The following HPCAL4 variants were observed in gnomAD, a reference collection of about 807,000 sequenced individuals.
The protein encoded by HPCAL4 is hippocalcin-like protein 4.
HPCAL4 carries 16 observed loss-of-function variants against 18.2 expected under a neutral mutation model. The ratio of observed to expected loss-of-function variants is 0.88; its 90% CI spans 0.59 to 1.33. HPCAL4 has a LOEUF of 1.33. Ranked by LOEUF, HPCAL4 falls within the 40% of genes most tolerant of loss-of-function variation. The pLI is 0.00. For missense variants in HPCAL4, 214 were observed against 256.6 expected, an observed-to-expected ratio of 0.83 and a Z score of 1.14; for synonymous variants, 80 against 97.5, an observed-to-expected ratio of 0.82 and a Z score of 1.06.
At chr1:39,689,224 T>A (rs1325749793) in intron 1 of HPCAL4, among the ~76,000 whole-genome samples, 1 of 152,152 alleles carries the variant, frequency 6.6e-6, no homozygotes, top group Non-Finnish European at 1.5e-5. Context: ...TCACTGAGTC[T>A]GGGACCCATG....
intron 1 of HPCAL4, among the ~76,000 whole-genome samples, chr1:39,690,263 C>T (rs1646708110): frequency 6.6e-6 from 1 of 152,192 alleles, no homozygotes. Flanking sequence ...ACCCAGTCTA[C>T]CCTCTCTGTT....
intron 3 of HPCAL4, among the ~76,000 whole-genome samples, chr1:39,683,011 G>A (rs1215280461): frequency 6.6e-6 from 1 of 152,106 alleles, no homozygotes; most frequent in African/African-American, 2.4e-5. Context: ...AGCCTCCTGA[G>A]TAGCTGGGAT....
chr1:39,689,868 C>G (rs2124202145), intron 1 of HPCAL4, among the ~76,000 whole-genome samples: 1 of 152,220 alleles, frequency 6.6e-6, no homozygotes, highest in East Asian at 1.9e-4. Context: ...TTTTTTCTCT[C>G]TTTCCTCTCC....
rs1405362211 is a variant in HPCAL4, at chr1:39,691,380, C to T, written c.-83G>A. ...CGGGAACCGAGGCTGGCTCGCGGGC[C>T]GGCAGCTGTGCTCTCCAAGGTCTGC... On this transcript the variant is annotated 5_prime_UTR_variant, in exon 1 of 4. Transcript: ENST00000372844. 1.3e-5 allele frequency: 2 copies of T among 152,288 alleles called. No homozygotes were observed. Among genetic ancestry groups the T allele is most frequent in the African/African-American group, 2.4e-5 (1 of 41,474 alleles). 9.4% of individuals were successfully genotyped at this position (152,288 alleles called of 1,614,324 possible). A position where few individuals can be genotyped will look rare whatever the true frequency, so the allele number is the denominator to read the frequency against.
intron 3 of HPCAL4, among the ~76,000 whole-genome samples, chr1:39,682,983 A>G (rs1646640082): frequency 6.6e-6 from 1 of 152,092 alleles, no homozygotes; most frequent in African/African-American, 2.4e-5. Context: ...TCCTGGGTTC[A>G]AGTGATTTTC....
chr1:39,683,084 A>G (rs1362722593), intron 3 of HPCAL4, among the ~76,000 whole-genome samples: 1 of 152,118 alleles, frequency 6.6e-6, no homozygotes, highest in Non-Finnish European at 1.5e-5. Flanking sequence ...GGGTTTCACC[A>G]TGTTGACCGG....
At position 39,680,933 on chromosome 1, in the gene HPCAL4, T is replaced by A. The variant is rs1646620997; in HGVS notation, c.*1603A>T. On this transcript the variant is annotated 3_prime_UTR_variant, in exon 4 of 4. Coordinates refer to ENST00000372844, the MANE Select transcript of HPCAL4 (RefSeq NM_016257.4). ...AATTCCCCTGCCCCGGGCTCAGCAATCATTTCCTGCTCCCACCCTGGGCTG... is the reference window on the plus strand; with the variant it reads ...AATTCCCCTGCCCCGGGCTCAGCAAACATTTCCTGCTCCCACCCTGGGCTG... 1 of 152,692 alleles carries A rather than the reference T, an allele frequency of 6.5e-6. No homozygotes were observed. The highest frequency in any genetic ancestry group is 6.5e-5 in the Admixed American group (1 of 15,288). The allele number at this position is 152,692 out of a possible 1,614,324, so 9.5% of individuals were successfully genotyped here.
intron 1 of HPCAL4, among the ~76,000 whole-genome samples, chr1:39,687,406 A>C (rs1646684321): frequency 6.6e-6 from 1 of 152,228 alleles, no homozygotes; most frequent in African/African-American, 2.4e-5. Context: ...CAGCCTCTCC[A>C]GCTGTCTTCC....
chr1:39,688,272 A>G (rs11206624), intron 1 of HPCAL4, among the ~76,000 whole-genome samples: 25,437 of 152,154 alleles, frequency 0.17, 2,956 homozygotes, highest in East Asian at 0.53. Flanking sequence ...CTGAGACAGC[A>G]AGTCTACAGC....
At chr1:39,690,219 G>A (rs899823892) in intron 1 of HPCAL4, among the ~76,000 whole-genome samples, 1 of 152,116 alleles carries the variant, frequency 6.6e-6, no homozygotes, top group African/African-American at 2.4e-5. Context: ...GAACCAGAGT[G>A]TCTCAGTGCC....
chr1:39,688,599 A>C (rs1646695295), intron 1 of HPCAL4, among the ~76,000 whole-genome samples: 1 of 151,994 alleles, frequency 6.6e-6, no homozygotes, highest in Non-Finnish European at 1.5e-5. Flanking sequence ...TTCCCCCCGA[A>C]AGTTACAATA....
chr1:39,684,500 A>G lies in HPCAL4; in HGVS notation c.104T>C (p.Leu35Pro). Residue 35 changes from leucine to proline, a missense_variant, in exon 2 of 4, where the codon CTG (leucine) becomes CCG (proline). Physicochemically the swap from Leu to Pro is moderately conservative, Grantham distance 98. Coordinates refer to ENST00000372844, the MANE Select transcript of HPCAL4 (RefSeq NM_016257.4). ...GAGGATGCCGCTGGGGCAGTCCTTC[A>G]GGAAGCCCTTGTACCACTGCTTCAG... ...QELKQWYKGFLKDCPSGILNL... is the reference protein window; with the variant it reads ...QELKQWYKGFPKDCPSGILNL... 1 of 1,613,540 alleles carries G rather than the reference A, an allele frequency of 6.2e-7. No individual in the cohort carries two copies. Among genetic ancestry groups the G allele is most frequent in the Non-Finnish European group, 8.5e-7 (1 of 1,179,718 alleles).
chr1:39,682,468 C>T lies in HPCAL4; in HGVS notation c.*68G>A. On this transcript the variant is annotated 3_prime_UTR_variant, in exon 4 of 4. Coordinates refer to ENST00000372844, the MANE Select transcript of HPCAL4 (RefSeq NM_016257.4). ...GTGTCCCTCCTCCTGGGAGGCCAGC[C>T]AGAGAGGTCATCAGGTTGGGAGGTG... 6.6e-7 allele frequency: 1 copy of T among 1,521,256 alleles called. No individual in the cohort carries two copies. Among genetic ancestry groups the T allele is most frequent in the Non-Finnish European group, 9.1e-7 (1 of 1,101,262 alleles). The allele number at this position is 1,521,256 out of a possible 1,614,324, so 94.2% of individuals were successfully genotyped here.
Position 39,682,582 on chromosome 1 carries a change from C to T in HPCAL4, c.530G>A (p.Ser177Asn), listed in dbSNP as rs1330117552. ...CAGCAGCAACACAATGGATGGGTCA[C>T]TCTTGGCTGCCTCCTTGAACTCCTC... is the stretch of plus-strand genomic sequence containing the variant. ...TLEEFKEAAK[S>N]DPSIVLLLQC... The change falls in exon 4 of 4, where the codon AGT (serine) becomes AAT (asparagine). Residue 177 changes from serine (S) to asparagine (N), a missense_variant. Transcript: ENST00000372844. 1 of 1,614,264 alleles carries T rather than the reference C, an allele frequency of 6.2e-7. No homozygotes were observed. The highest frequency in any genetic ancestry group is 1.7e-5 in the Admixed American group (1 of 60,032).
At position 39,682,777 on chromosome 1, in the gene HPCAL4, C is replaced by T. The variant is rs748946664; in HGVS notation, c.379-44G>A. 1.3e-5 allele frequency: 20 copies of T among 1,530,522 alleles called. 1 individual carries two copies. In the South Asian group the frequency reaches 2.0e-4, roughly 15 times the overall value. 94.8% of individuals were successfully genotyped at this position (1,530,522 alleles called of 1,614,324 possible). ...GGGAGGTGTGAACACCCACAAGGGG[C>T]CCCGAGAAGCAGCGGGTGAAGGAAA... On this transcript the variant is annotated intron_variant, in intron 3 of 3. Transcript: ENST00000372844.
At chr1:39,683,776 G>A (rs1462876880) in intron 3 of HPCAL4, among the ~76,000 whole-genome samples, 161 bp downstream of exon 3, 3 of 152,214 alleles carry the variant, frequency 2.0e-5, no homozygotes, top group Non-Finnish European at 4.4e-5. Context: ...GTCGAGTGTC[G>A]GGTAAAGCAT....
At chr1:39,689,712 A>G (rs1268164583) in intron 1 of HPCAL4, among the ~76,000 whole-genome samples, 1 of 152,174 alleles carries the variant, frequency 6.6e-6, no homozygotes, top group Non-Finnish European at 1.5e-5. Context: ...CAAGAGGGCT[A>G]AGGGCTGTGG....
At chr1:39,683,003 C>T (rs1314257168) in intron 3 of HPCAL4, among the ~76,000 whole-genome samples, 1 of 152,068 alleles carries the variant, frequency 6.6e-6, no homozygotes, top group Non-Finnish European at 1.5e-5. Flanking sequence ...CCTGCTTCAG[C>T]CTCCTGAGTA....
Position 39,684,159 on chromosome 1 carries a change from G to T in HPCAL4, c.163-7C>A, listed in dbSNP as rs377003869. ...CGTCGCCGTAGGGGAAGAACTGAGG[G>T]GGGTGCGGTGGGTTGGGGCGCAGCG... On this transcript the variant is annotated splice_region_variant and splice_polypyrimidine_tract_variant and intron_variant, in intron 2 of 3. Coordinates refer to ENST00000372844, the MANE Select transcript of HPCAL4 (RefSeq NM_016257.4). 2 of 1,607,610 alleles carry T rather than the reference G, an allele frequency of 1.2e-6. No homozygotes were observed. Among genetic ancestry groups the T allele is most frequent in the Non-Finnish European group, 1.7e-6 (2 of 1,176,512 alleles).
Sources: allele counts gnomAD v4.1 joint callset (sites outside exome capture counted in the v4.1 genomes callset), GRCh38; gene constraint gnomAD v4.1.1; transcripts MANE v1.5; gene names NCBI Gene and HGNC (gene_info 2026-07-23, HGNC 2026-07-21).